Variants in RUNX1 observed in about 807,000 individuals in gnomAD.
RUNX1 encodes RUNX family transcription factor 1.
In RUNX1, 19 loss-of-function variants were observed where a neutral mutation model predicts 42.8. The observed-to-expected ratio is 0.44, with a 90% CI of 0.31 to 0.65. The LOEUF (loss-of-function observed/expected upper bound fraction) is 0.65. RUNX1 is among the 30% of genes least tolerant of loss of function. RUNX1 has a pLI of 0.07. For missense variants in RUNX1, 528 were observed against 672.0 expected (o/e 0.79, Z 2.37); for synonymous variants, 271 against 289.4 (o/e 0.94, Z 0.64).
chr21:34,857,137 T>C (rs940023362), intron 6 of RUNX1, among the ~76,000 whole-genome samples: 31 of 152,216 alleles, frequency 2.0e-4, no homozygotes, highest in African/African-American at 7.0e-4. Flanking sequence ...CTATATATCA[T>C]ACTTATACTT....
At chr21:35,024,789 G>A (rs751436033) in intron 2 of RUNX1, among the ~76,000 whole-genome samples, 13 of 152,192 alleles carry the variant, frequency 8.5e-5, no homozygotes, top group Non-Finnish European at 1.2e-4. Flanking sequence ...CTTTTCTAGT[G>A]ATGATGAAAT....
chr21:34,874,492 C>T (rs1233806918), intron 5 of RUNX1, among the ~76,000 whole-genome samples: 3 of 150,630 alleles, frequency 2.0e-5, no homozygotes, highest in African/African-American at 4.9e-5. Context: ...GCCTGTAATC[C>T]CCAGCTACTT....
At chr21:34,997,926 C>T (rs1279999580) in intron 2 of RUNX1, among the ~76,000 whole-genome samples, 1 of 152,140 alleles carries the variant, frequency 6.6e-6, no homozygotes, top group Non-Finnish European at 1.5e-5. Context: ...GAAGGTTCTG[C>T]AAGATGGGGT....
Position 34,841,778 on chromosome 21 carries a change from A to G in RUNX1, c.614-7177T>C, listed in dbSNP as rs1394179613. On this transcript the variant is annotated intron_variant, in intron 6 of 8. Coordinates refer to ENST00000675419, the MANE Select transcript of RUNX1 (RefSeq NM_001754.5). Reference sequence around the variant, plus strand: ...TTGCTGAAATGTCATCTTCTCCCTGAGGAGTTCCTGGAGATCCCCTTTTAA... The same window carrying G: ...TTGCTGAAATGTCATCTTCTCCCTGGGGAGTTCCTGGAGATCCCCTTTTAA... Among the ~76,000 whole-genome samples, 6 of 152,282 alleles carry G rather than the reference A, an allele frequency of 3.9e-5. No individual in the cohort carries two copies. In the East Asian group the frequency reaches 1.2e-3, roughly 29 times the overall value.
chr21:34,869,932 T>C (rs1037368205), intron 5 of RUNX1, among the ~76,000 whole-genome samples: 2 of 152,198 alleles, frequency 1.3e-5, no homozygotes, highest in African/African-American at 4.8e-5. Flanking sequence ...ATCATAAATA[T>C]TTGCATGCCA....
At chr21:35,036,025 C>T (rs138566948) in intron 2 of RUNX1, among the ~76,000 whole-genome samples, 8 of 152,160 alleles carry the variant, frequency 5.3e-5, no homozygotes, top group African/African-American at 1.9e-4. Flanking sequence ...AGGAAGAACC[C>T]AAGTTGGGTC....
chr21:34,840,935 C>A (rs906265419), intron 6 of RUNX1, among the ~76,000 whole-genome samples: 1 of 152,196 alleles, frequency 6.6e-6, no homozygotes, highest in Non-Finnish European at 1.5e-5. Context: ...ATTCTGCTTT[C>A]ACCCCTCCCC....
intron 2 of RUNX1, among the ~76,000 whole-genome samples, chr21:35,041,360 G>T (rs188876598): frequency 2.0e-5 from 3 of 152,218 alleles, no homozygotes; most frequent in African/African-American, 2.4e-5. Context: ...TCAGCAGAGC[G>T]ATTGAGCAAG....
At chr21:34,874,704 AAC>A (rs1276803604) in intron 5 of RUNX1, among the ~76,000 whole-genome samples, 2 of 151,630 alleles carry the variant, frequency 1.3e-5, no homozygotes, top group East Asian at 3.9e-4. Context: ...AAAAACCAGA[AAC>A]ACAGAATATG....
At chr21:34,989,401 CT>C (rs998464695) in intron 2 of RUNX1, among the ~76,000 whole-genome samples, 5 of 151,944 alleles carry the variant, frequency 3.3e-5, no homozygotes, top group Admixed American at 6.6e-5. Context: ...ATAGTTTTAC[CT>C]TTCTAGGAGA....
chr21:34,893,026 C>CA, intron 2 of RUNX1, 63 bp from the exon 3 acceptor site: 2 of 852,726 alleles, frequency 2.3e-6, no homozygotes, highest in Non-Finnish European at 3.6e-6. Context: ...TTTCCCCCGA[C>CA]TTTTTTTTTT....
intron 2 of RUNX1, among the ~76,000 whole-genome samples, chr21:34,949,340 C>A (rs1302864196): frequency 6.6e-6 from 1 of 152,188 alleles, no homozygotes; most frequent in Non-Finnish European, 1.5e-5. Flanking sequence ...AAAACAGTAA[C>A]CTCTGTCTTA....
chr21:34,887,303 G>T, intron 3 of RUNX1: 3 of 1,456,170 alleles, frequency 2.1e-6, no homozygotes, highest in Non-Finnish European at 2.7e-6. Flanking sequence ...TCCAGGAGGG[G>T]AAAACGTTCT....
chr21:34,912,702 G>A (rs1257534616), intron 2 of RUNX1, among the ~76,000 whole-genome samples: 1 of 152,148 alleles, frequency 6.6e-6, no homozygotes, highest in Non-Finnish European at 1.5e-5. Context: ...CAGGCATTTG[G>A]AAAGCACACA....
intron 8 of RUNX1, among the ~76,000 whole-genome samples, chr21:34,793,685 G>T (rs1569004028): frequency 1.3e-5 from 2 of 150,762 alleles, no homozygotes; most frequent in Admixed American, 1.3e-4. Context: ...GACTGCAGGA[G>T]CCACAGAGCA....
chr21:34,837,621 T>C, intron 6 of RUNX1, among the ~76,000 whole-genome samples: 1 of 152,038 alleles, frequency 6.6e-6, no homozygotes, highest in Non-Finnish European at 1.5e-5. Context: ...AATAGAGGAG[T>C]ATGGAAAATG....
At chr21:34,934,419 G>T (rs2058470545) in intron 2 of RUNX1, among the ~76,000 whole-genome samples, 1 of 151,984 alleles carries the variant, frequency 6.6e-6, no homozygotes, top group Non-Finnish European at 1.5e-5. Context: ...ACAATGTCTG[G>T]CTTACCACCC....
In RUNX1 at chr21:34,788,163, G is replaced by A. The variant is rs185666889; in HGVS notation, c.*3972C>T. 3.0e-5 allele frequency: 7 copies of A among 233,472 alleles called. No individual in the cohort carries two copies. Among genetic ancestry groups the A allele is most frequent in the East Asian group, 6.0e-5 (1 of 16,582 alleles). 14.5% of individuals were successfully genotyped at this position (233,472 alleles called of 1,614,324 possible). A position where few individuals can be genotyped will look rare whatever the true frequency, so the allele number is the denominator to read the frequency against. ...ACCAGGGAGAAAGAAGCCCACGCAC[G>A]AATTTTCAGGATGTTTTGTGACCAA... On this transcript the variant is annotated 3_prime_UTR_variant, in exon 9 of 9. Transcript: ENST00000675419.
intron 2 of RUNX1, among the ~76,000 whole-genome samples, chr21:35,031,552 G>A (rs2059273319): frequency 6.6e-6 from 1 of 152,196 alleles, no homozygotes; most frequent in South Asian, 2.1e-4. Context: ...GTATGTCGAA[G>A]AGATATCTGC....
Sources: allele counts gnomAD v4.1 joint callset (sites outside exome capture counted in the v4.1 genomes callset), GRCh38; gene constraint gnomAD v4.1.1; transcripts MANE v1.5; gene names NCBI Gene and HGNC (gene_info 2026-07-23, HGNC 2026-07-21).